Variants in S1PR4 observed in about 807,000 individuals in gnomAD.
S1PR4 encodes the protein sphingosine 1-phosphate receptor 4.
A neutral mutation model predicts 0.4 loss-of-function variants in S1PR4; 1 was observed. The ratio of observed to expected loss-of-function variants is 2.48; its 90% CI spans 0.88 to 11.76. S1PR4 has a LOEUF of 11.76. Among genes scored for constraint, S1PR4 ranks in the 30% most tolerant of loss-of-function variants. S1PR4 has a pLI of 0.12. For missense variants in S1PR4, 595 were observed against 557.8 expected, an observed-to-expected ratio of 1.07 and a Z score of -0.67; for synonymous variants, 296 against 266.7, an observed-to-expected ratio of 1.11 and a Z score of -1.07.
At position 3,179,025 on chromosome 19, in the gene S1PR4, G is replaced by A. The variant is rs749257001; in HGVS notation, c.233G>A (p.Arg78Gln). ...LAAITSHMRS[R>Q]RWVYYCLVNI... The stretch of plus-strand genomic sequence containing the variant: ...GCCATCACCAGCCACATGCGGTCGC[G>A]ACGCTGGGTCTACTATTGCCTGGTG... The change falls in exon 1 of 1, where the codon CGA becomes CAA. Residue 78 changes from arginine (R) to glutamine (Q), a missense_variant. Transcript: ENST00000246115. The A allele has an allele frequency of 1.2e-4, 192 of 1,602,714 alleles. No individual in the cohort carries two copies. The highest frequency in any genetic ancestry group is 1.4e-4 in the Non-Finnish European group (167 of 1,178,328).
rs888779868 is a variant in S1PR4 at position 3,180,173 on chromosome 19, A to G, written c.*226A>G. On this transcript the variant is annotated 3_prime_UTR_variant, in exon 1 of 1. Transcript: ENST00000246115. ...CCACCCCACCTCCCCGTAGGAGCAG[A>G]GAGCACCCTGGTGTGGGGGCGAGTG... 9.9e-5 allele frequency: 45 copies of G among 456,024 alleles called. No homozygotes were observed. The highest frequency in any genetic ancestry group is 8.8e-4 in the African/African-American group (43 of 48,966). 28.2% of individuals were successfully genotyped at this position (456,024 alleles called of 1,614,324 possible).
rs900702443 is a variant in S1PR4, at chr19:3,179,412, T to C, written c.620T>C (p.Phe207Ser). 3 of 1,613,230 alleles carry C rather than the reference T, an allele frequency of 1.9e-6. No individual in the cohort carries two copies. The African/African-American group carries it at 4.0e-5, about 22-fold the overall frequency. ...CTCTACTCCAAGCGCTACATCCTCT[T>C]CTGCCTGGTGATCTTCGCCGGCGTC... is the stretch of plus-strand genomic sequence containing the variant. ...LPLYSKRYILFCLVIFAGVLA... is the reference protein window; with the variant it reads ...LPLYSKRYILSCLVIFAGVLA... The change falls in exon 1 of 1, where the codon TTC (phenylalanine) becomes TCC (serine). Residue 207 changes from phenylalanine (F) to serine (S), a missense_variant. Transcript: ENST00000246115.
Position 3,179,062 on chromosome 19 carries a change from G to A in S1PR4, c.270G>A (p.Leu90=). ...WVYYCLVNIT[L]SDLLTGAAYL... ...ACTATTGCCTGGTGAACATCACGCT[G>A]AGTGACCTGCTCACGGGCGCGGCCT... is the stretch of plus-strand genomic sequence containing the variant. Residue 90 remains leucine, a synonymous_variant, in exon 1 of 1, where the codon CTG becomes CTA. Transcript: ENST00000246115. The A allele has an allele frequency of 6.2e-7, 1 of 1,609,546 alleles. No homozygotes were observed. The highest frequency in any genetic ancestry group is 1.7e-5 in the Admixed American group (1 of 59,994).
In S1PR4 at chr19:3,179,407, C is replaced by A; in HGVS notation, c.615C>A (p.Ile205=). Residue 205 remains isoleucine (I), a synonymous_variant, in exon 1 of 1, where the codon ATC becomes ATA. Transcript: ENST00000246115. Reference sequence around the variant, plus strand: ...TGCCCCTCTACTCCAAGCGCTACATCCTCTTCTGCCTGGTGATCTTCGCCG... The same window carrying A: ...TGCCCCTCTACTCCAAGCGCTACATACTCTTCTGCCTGGTGATCTTCGCCG... ...SLLPLYSKRY[I]LFCLVIFAGV... 2 of 1,613,356 alleles carry A rather than the reference C, an allele frequency of 1.2e-6. No individual in the cohort carries two copies. Among genetic ancestry groups the A allele is most frequent in the Middle Eastern group, 1.6e-4 (1 of 6,062 alleles).
In S1PR4 at chr19:3,179,935, G is replaced by A; in HGVS notation, c.1143G>A (p.Val381=). ...AGCCCCTGTCCAGCATCTCCAGCGT[G>A]CGGAGCATCTGAAGTTGCAGTCTTG... is the stretch of plus-strand genomic sequence containing the variant. ...MREPLSSISS[V]RSI is the part of the protein sequence containing the mutation. The change falls in exon 1 of 1, where the codon GTG becomes GTA. Residue 381 remains valine (V), a synonymous_variant. Transcript: ENST00000246115. 1 of 1,512,310 alleles carries A rather than the reference G, an allele frequency of 6.6e-7. No individual in the cohort carries two copies. The highest frequency in any genetic ancestry group is 8.8e-7 in the Non-Finnish European group (1 of 1,130,602). 93.7% of individuals were successfully genotyped at this position (1,512,310 alleles called of 1,614,324 possible).
Position 3,178,900 on chromosome 19 carries a change from C to T in S1PR4, c.108C>T (p.Ala36=), listed in dbSNP as rs187396603. 8.8e-4 allele frequency: 1,339 copies of T among 1,525,242 alleles called. No individual in the cohort carries two copies. The highest frequency in any genetic ancestry group is 1.1e-3 in the Non-Finnish European group (1,265 of 1,141,882). The allele number at this position is 1,525,242 out of a possible 1,614,324, so 94.5% of individuals were successfully genotyped here. ...ACTACAACCACTCGGGCCGGCTGGC[C>T]GGGCGCGGGGGGCCGGAGGATGGCG... The part of the protein sequence containing the change: ...VLHYNHSGRL[A]GRGGPEDGGL... Residue 36 remains alanine, a synonymous_variant, in exon 1 of 1, where the codon GCC becomes GCT. Transcript: ENST00000246115.
chr19:3,180,035 C>T lies in S1PR4; in HGVS notation c.*88C>T. 1 of 1,303,168 alleles carries T rather than the reference C, an allele frequency of 7.7e-7. No individual in the cohort carries two copies. The highest frequency in any genetic ancestry group is 1.0e-6 in the Non-Finnish European group (1 of 953,830). 80.7% of individuals were successfully genotyped at this position (1,303,168 alleles called of 1,614,324 possible). On this transcript the variant is annotated 3_prime_UTR_variant, in exon 1 of 1. Transcript: ENST00000246115. ...GTACAGGAAGCTGTGTGCACGCAGCCTCGCCTGTATGGGGAGCAGGGAACG... is the reference window on the plus strand; with the variant it reads ...GTACAGGAAGCTGTGTGCACGCAGCTTCGCCTGTATGGGGAGCAGGGAACG...
rs200008191 is a variant in S1PR4, at chr19:3,179,647, C to T, written c.855C>T (p.Tyr285=). 1.9e-6 allele frequency: 3 copies of T among 1,613,410 alleles called. No homozygotes were observed. The highest frequency in any genetic ancestry group is 2.2e-5 in the East Asian group (1 of 44,878). ...GCTCCAACCTCTGGGCCCAGGAGTA[C>T]CTGCGGGGCATGGACTGGATCCTGG... The part of the protein sequence containing the change: ...VFGSNLWAQE[Y]LRGMDWILAL... The change falls in exon 1 of 1, where the codon TAC becomes TAT. Residue 285 remains tyrosine, a synonymous_variant. Transcript: ENST00000246115.
At position 3,179,318 on chromosome 19, in the gene S1PR4, C is replaced by G; in HGVS notation, c.526C>G (p.Leu176Val). 1 of 1,611,934 alleles carries G rather than the reference C, an allele frequency of 6.2e-7. No homozygotes were observed. ...CCTCTGCTGGCTGCTGGCCGCGCTG[C>G]TGGGGATGCTGCCTTTGCTGGGCTG... is the stretch of plus-strand genomic sequence containing the variant. ...IGLCWLLAAL[L>V]GMLPLLGWNC... The change falls in exon 1 of 1, where the codon CTG becomes GTG. Residue 176 changes from leucine (L) to valine (V), a missense_variant. By Grantham distance (32) the Leu-to-Val change is conservative. Coordinates refer to ENST00000246115, the MANE Select transcript of S1PR4 (RefSeq NM_003775.4).
Position 3,179,914 on chromosome 19 carries a change from CCT to C in S1PR4, c.1123_1124del (p.Leu375ValfsTer63). Reference sequence around the variant, plus strand: ...CGCTCAGCTTTCGGATGCGGGAGCCCCTGTCCAGCATCTCCAGCGTGCGGAGC... The same window carrying C: ...CGCTCAGCTTTCGGATGCGGGAGCCCGTCCAGCATCTCCAGCGTGCGGAGC... ...RSLSFRMREP[L>X]SSISSVRSI On this transcript the variant is annotated frameshift_variant, in exon 1 of 1. Transcript: ENST00000246115. LOFTEE classifies it high-confidence loss of function. 1.3e-6 allele frequency: 2 copies of C among 1,517,072 alleles called. No individual in the cohort carries two copies. Among genetic ancestry groups the C allele is most frequent in the Non-Finnish European group, 1.8e-6 (2 of 1,133,210 alleles). 94.0% of individuals were successfully genotyped at this position (1,517,072 alleles called of 1,614,324 possible). A position where few individuals can be genotyped will look rare whatever the true frequency, so the allele number is the denominator to read the frequency against.
Position 3,179,276 on chromosome 19 carries a change from G to T in S1PR4, c.484G>T (p.Val162Phe). 6.2e-7 allele frequency: 1 copy of T among 1,605,284 alleles called. No individual in the cohort carries two copies. The highest frequency in any genetic ancestry group is 8.5e-7 in the Non-Finnish European group (1 of 1,175,942). ...AESGATKTSR[V>F]YGFIGLCWLL... ...GAGCGGGGCCACCAAGACCAGCCGC[G>T]TCTACGGCTTCATCGGCCTCTGCTG... Residue 162 changes from valine to phenylalanine, a missense_variant, in exon 1 of 1, where the codon GTC becomes TTC. Val to Phe is a conservative substitution (Grantham distance 50, BLOSUM62 -1). Transcript: ENST00000246115.
In S1PR4 at chr19:3,179,198, C is replaced by T. The variant is rs749826217; in HGVS notation, c.406C>T (p.Leu136=). The change falls in exon 1 of 1, where the codon CTG becomes TTG. Residue 136 remains leucine, a synonymous_variant. Transcript: ENST00000246115. Reference sequence around the variant, plus strand: ...CGCCCTGGCCGCCTCCACCTTCAGCCTGCTCTTCACTGCAGGGGAGCGCTT... The same window carrying T: ...CGCCCTGGCCGCCTCCACCTTCAGCTTGCTCTTCACTGCAGGGGAGCGCTT... ...FTALAASTFS[L]LFTAGERFAT... is the part of the protein sequence containing the mutation. The T allele has an allele frequency of 3.7e-6, 6 of 1,607,462 alleles. No homozygotes were observed. Among genetic ancestry groups the T allele is most frequent in the Non-Finnish European group, 5.1e-6 (6 of 1,176,724 alleles).
rs1915495197 is a variant in S1PR4 at position 3,179,225 on chromosome 19, G to C, written c.433G>C (p.Ala145Pro). The C allele has an allele frequency of 6.2e-7, 1 of 1,601,160 alleles. No homozygotes were observed. The highest frequency in any genetic ancestry group is 1.7e-5 in the Admixed American group (1 of 58,880). Reference protein sequence around the residue: ...SLLFTAGERFATMVRPVAESG... With the variant: ...SLLFTAGERFPTMVRPVAESG... ...GCTCTTCACTGCAGGGGAGCGCTTT[G>C]CCACCATGGTGCGGCCGGTGGCCGA... is the stretch of plus-strand genomic sequence containing the variant. Residue 145 changes from alanine to proline, a missense_variant, in exon 1 of 1, where the codon GCC becomes CCC. Transcript: ENST00000246115.
rs1256627120 is a variant in S1PR4, at chr19:3,179,527, G to C, written c.735G>C (p.Lys245Asn). The stretch of plus-strand genomic sequence containing the variant: ...CCCCACGCCCAGCGGCCCGCCGCAA[G>C]GCCCGCCGCCTGCTGAAGACGGTGC... The part of the protein sequence containing the change: ...QKAPRPAARR[K>N]ARRLLKTVLM... Residue 245 changes from lysine to asparagine, a missense_variant, in exon 1 of 1, where the codon AAG (lysine) becomes AAC (asparagine). Physicochemically the swap from Lys to Asn is moderately conservative, Grantham distance 94. Coordinates refer to ENST00000246115, the MANE Select transcript of S1PR4 (RefSeq NM_003775.4). 2.5e-6 allele frequency: 4 copies of C among 1,611,856 alleles called. No individual in the cohort carries two copies. Among genetic ancestry groups the C allele is most frequent in the East Asian group, 2.2e-5 (1 of 44,850 alleles).
rs1915504788 is a variant in S1PR4, at chr19:3,179,577, T to C, written c.785T>C (p.Val262Ala). Residue 262 changes from valine (V) to alanine (A), a missense_variant, in exon 1 of 1, where the codon GTG becomes GCG. Transcript: ENST00000246115. The stretch of plus-strand genomic sequence containing the variant: ...CTGATGATCCTGCTGGCCTTCCTGG[T>C]GTGCTGGGGCCCACTCTTCGGGCTG... ...TVLMILLAFL[V>A]CWGPLFGLLL... is the part of the protein sequence containing the mutation. The C allele has an allele frequency of 6.2e-7, 1 of 1,613,182 alleles. No individual in the cohort carries two copies. Among genetic ancestry groups the C allele is most frequent in the Non-Finnish European group, 8.5e-7 (1 of 1,179,868 alleles).
rs761479832 is a variant in S1PR4, at chr19:3,179,955, G to A, written c.*8G>A. ...AGCGTGCGGAGCATCTGAAGTTGCAGTCTTGCGTGTGGATGGTGCAGCCAC... is the reference window on the plus strand; with the variant it reads ...AGCGTGCGGAGCATCTGAAGTTGCAATCTTGCGTGTGGATGGTGCAGCCAC... On this transcript the variant is annotated 3_prime_UTR_variant, in exon 1 of 1. Coordinates refer to ENST00000246115, the MANE Select transcript of S1PR4 (RefSeq NM_003775.4). 6.6e-7 allele frequency: 1 copy of A among 1,510,294 alleles called. No individual in the cohort carries two copies. The highest frequency in any genetic ancestry group is 8.9e-7 in the Non-Finnish European group (1 of 1,129,702). The allele number at this position is 1,510,294 out of a possible 1,614,324, so 93.6% of individuals were successfully genotyped here. A position where few individuals can be genotyped will look rare whatever the true frequency, so the allele number is the denominator to read the frequency against.
Position 3,179,474 on chromosome 19 carries a change from C to T in S1PR4, c.682C>T (p.Arg228Cys), listed in dbSNP as rs766414904. 2.5e-6 allele frequency: 4 copies of T among 1,612,584 alleles called. No homozygotes were observed. The highest frequency in any genetic ancestry group is 2.2e-5 in the East Asian group (1 of 44,874). The change falls in exon 1 of 1, where the codon CGC becomes TGC. Residue 228 changes from arginine (R) to cysteine (C), a missense_variant. Arg to Cys is a radical substitution (Grantham distance 180). Transcript: ENST00000246115. ...TIMGLYGAIF[R>C]LVQASGQKAP... ...CATGGGCCTCTATGGGGCCATCTTC[C>T]GCCTGGTGCAGGCCAGCGGGCAGAA...
At position 3,179,736 on chromosome 19, in the gene S1PR4, G is replaced by A; in HGVS notation, c.944G>A (p.Cys315Tyr). 6.2e-7 allele frequency: 1 copy of A among 1,612,940 alleles called. No individual in the cohort carries two copies. Among genetic ancestry groups the A allele is most frequent in the Admixed American group, 1.7e-5 (1 of 60,012 alleles). ...IIYSFRSREV[C>Y]RAVLSFLCCG... ...TACTCCTTCCGCAGCAGGGAGGTGTGCAGAGCCGTGCTCAGCTTCCTCTGC... is the reference window on the plus strand; with the variant it reads ...TACTCCTTCCGCAGCAGGGAGGTGTACAGAGCCGTGCTCAGCTTCCTCTGC... The change falls in exon 1 of 1, where the codon TGC (cysteine) becomes TAC (tyrosine). Residue 315 changes from cysteine (C) to tyrosine (Y), a missense_variant. Transcript: ENST00000246115.
rs1196462186 is a variant in S1PR4 at position 3,179,644 on chromosome 19, G to A, written c.852G>A (p.Glu284=). 10 of 1,613,432 alleles carry A rather than the reference G, an allele frequency of 6.2e-6. No homozygotes were observed. Among genetic ancestry groups the A allele is most frequent in the Non-Finnish European group, 8.5e-6 (10 of 1,179,896 alleles). The change falls in exon 1 of 1, where the codon GAG becomes GAA. Residue 284 remains glutamate, a synonymous_variant. Transcript: ENST00000246115. ...DVFGSNLWAQ[E]YLRGMDWILA... ...TTGGCTCCAACCTCTGGGCCCAGGAGTACCTGCGGGGCATGGACTGGATCC... is the reference window on the plus strand; with the variant it reads ...TTGGCTCCAACCTCTGGGCCCAGGAATACCTGCGGGGCATGGACTGGATCC...
Sources: gnomAD v4.1 joint callset for allele counts on GRCh38, gnomAD v4.1.1 for gene constraint, MANE v1.5 for transcripts, NCBI Gene and HGNC (gene_info 2026-07-23, HGNC 2026-07-21) for gene names.